The following FOXP2 variants were observed in gnomAD, a reference collection of about 807,000 sequenced individuals.
FOXP2 encodes the protein forkhead box protein P2.
Under a neutral mutation model 115.8 loss-of-function variants are expected in FOXP2, and 12 were observed. That is an observed-to-expected ratio of 0.10 (90% CI 0.07 to 0.17). The LOEUF (loss-of-function observed/expected upper bound fraction) is 0.17. Among genes scored for constraint, FOXP2 ranks in the 10% least tolerant of loss-of-function variants. The pLI is 1.00. For missense variants in FOXP2, 629 were observed against 843.5 expected (o/e 0.75, Z 3.15); for synonymous variants, 328 against 297.7 (o/e 1.10, Z -1.05).
chr7:114,499,063 C>G, intron 2 of FOXP2: 5 of 587,520 alleles, frequency 8.5e-6, no homozygotes, highest in Non-Finnish European at 1.5e-5. Flanking sequence ...ATCAGAAACC[C>G]TGGGGTTGGA....
At chr7:114,521,807 T>C (rs1285990178) in intron 2 of FOXP2, among the ~76,000 whole-genome samples, 1 of 152,126 alleles carries the variant, frequency 6.6e-6, no homozygotes, top group East Asian at 1.9e-4. Flanking sequence ...AGATCACTAG[T>C]TGGTCCTCTA....
At chr7:114,477,813 T>C (rs1174893388) in intron 2 of FOXP2, among the ~76,000 whole-genome samples, 1 of 151,884 alleles carries the variant, frequency 6.6e-6, no homozygotes, top group Non-Finnish European at 1.5e-5. Context: ...TTCAGATAAA[T>C]GTTTATGAGA....
chr7:114,353,037 C>G (rs1791531162), intron 2 of FOXP2, among the ~76,000 whole-genome samples: 1 of 151,962 alleles, frequency 6.6e-6, no homozygotes, highest in Non-Finnish European at 1.5e-5. Context: ...GTAACTAATT[C>G]CTATCAAATG....
chr7:114,542,385 T>G (rs1799709338), intron 3 of FOXP2, among the ~76,000 whole-genome samples: 1 of 152,168 alleles, frequency 6.6e-6, no homozygotes, highest in East Asian at 1.9e-4. Context: ...ATTCTTGTCT[T>G]ACACCAAGAA....
intron 1 of FOXP2, among the ~76,000 whole-genome samples, chr7:114,141,834 A>G (rs1261486748): frequency 1.3e-5 from 2 of 152,132 alleles, no homozygotes; most frequent in African/African-American, 4.8e-5. Context: ...ATAACGGACT[A>G]CTCTACTGTG....
chr7:114,294,887 C>CATACATGCATGCATGCATAT (rs1796703304), intron 2 of FOXP2, among the ~76,000 whole-genome samples: 1 of 151,846 alleles, frequency 6.6e-6, no homozygotes, highest in African/African-American at 2.4e-5. Flanking sequence ...TACATACATA[C>CATACATGCATGCATGCATAT]ATACATACAT....
chr7:114,338,743 G>T (rs1311430065), intron 2 of FOXP2, among the ~76,000 whole-genome samples: 3 of 97,160 alleles, frequency 3.1e-5, no homozygotes, highest in African/African-American at 1.0e-4. Flanking sequence ...TTCTTGTCAA[G>T]ATGTTCACAC....
intron 2 of FOXP2, among the ~76,000 whole-genome samples, chr7:114,462,528 C>T (rs1370090948): frequency 2.0e-5 from 3 of 151,644 alleles, no homozygotes; most frequent in African/African-American, 7.3e-5. Flanking sequence ...CGTGCCACCA[C>T]GCCCTGCTAA....
chr7:114,380,747 C>T (rs907627821), intron 2 of FOXP2, among the ~76,000 whole-genome samples: 3 of 152,216 alleles, frequency 2.0e-5, no homozygotes, highest in Non-Finnish European at 4.4e-5. Flanking sequence ...GAGATGTCCA[C>T]ACAGTAAGAT....
chr7:114,254,605 T>G (rs908774386), intron 1 of FOXP2, among the ~76,000 whole-genome samples: 3 of 152,254 alleles, frequency 2.0e-5, no homozygotes, highest in African/African-American at 7.2e-5. Context: ...AGCTTGGGCA[T>G]TCGTCACGTA....
chr7:114,220,798 A>C (rs1199365710), intron 1 of FOXP2, among the ~76,000 whole-genome samples: 1 of 152,224 alleles, frequency 6.6e-6, no homozygotes. Context: ...TTAGTGTATT[A>C]ATGTTCTTTA....
intron 1 of FOXP2, among the ~76,000 whole-genome samples, chr7:114,418,766 G>A (rs1793467997): frequency 6.6e-6 from 1 of 151,752 alleles, no homozygotes; most frequent in Middle Eastern, 3.4e-3. Flanking sequence ...TTCATGTTTA[G>A]TTAAACTGAG....
intron 2 of FOXP2, among the ~76,000 whole-genome samples, chr7:114,518,841 A>C (rs1219679595): frequency 2.6e-5 from 4 of 152,116 alleles, no homozygotes; most frequent in African/African-American, 9.7e-5. Context: ...TGCTTGAGTT[A>C]ATCACTTTGT....
In FOXP2 at chr7:114,628,632, G is replaced by C. The variant is rs773759127; in HGVS notation, c.351G>C (p.Gln117His). The change falls in exon 4 of 17, where the codon CAG becomes CAC. Residue 117 changes from glutamine (Q) to histidine (H), a missense_variant. Gln to His is a conservative substitution (Grantham distance 24, BLOSUM62 0). This residue lies in a region of FOXP2 where 138 missense variants were observed against 205.1 expected (regional missense o/e 0.67). Coordinates refer to ENST00000350908, the MANE Select transcript of FOXP2 (RefSeq NM_014491.4). ...ILQQQVLSPQ[Q>H]LQALLQQQQA... ...AGCAACAAGTCCTGTCTCCTCAGCA[G>C]CTACAAGCCCTTCTCCAACAACAGC... 31 of 1,613,924 alleles carry C rather than the reference G, an allele frequency of 1.9e-5. No individual in the cohort carries two copies. The highest frequency in any genetic ancestry group is 2.5e-5 in the Non-Finnish European group (30 of 1,179,990).
chr7:114,266,225 C>T (rs569438179), intron 1 of FOXP2, among the ~76,000 whole-genome samples: 1 of 152,282 alleles, frequency 6.6e-6, no homozygotes, highest in South Asian at 2.1e-4. Flanking sequence ...ACTCTTCCAA[C>T]CTCTTCCTAT....
At chr7:114,571,302 T>A (rs966332317) in intron 3 of FOXP2, among the ~76,000 whole-genome samples, 17 of 151,876 alleles carry the variant, frequency 1.1e-4, no homozygotes, top group Non-Finnish European at 2.1e-4. Context: ...CCAAGGCCTT[T>A]TAAACATTCT....
chr7:114,581,479 T>G (rs76308398), intron 3 of FOXP2, among the ~76,000 whole-genome samples: 12,883 of 152,200 alleles, frequency 0.085, 613 homozygotes, highest in Middle Eastern at 0.16. Context: ...TGTGTCAGAT[T>G]AGTTTTAGGT....
intron 2 of FOXP2, among the ~76,000 whole-genome samples, chr7:114,393,885 G>A (rs954906413): frequency 1.3e-5 from 2 of 152,074 alleles, no homozygotes; most frequent in South Asian, 2.1e-4. Flanking sequence ...GTGTTGAATC[G>A]GAAGGCATAT....
intron 2 of FOXP2, among the ~76,000 whole-genome samples, chr7:114,306,578 C>T (rs1010758154): frequency 6.6e-5 from 10 of 152,114 alleles, no homozygotes; most frequent in African/African-American, 1.9e-4. Flanking sequence ...TGGAGAATGT[C>T]TTTTTCAAGT....
Sources: gnomAD v4.1 joint callset for allele counts (sites outside exome capture counted in the v4.1 genomes callset) on GRCh38, gnomAD v4.1.1 for gene constraint, gnomAD v4.1.1 regional missense constraint, MANE v1.5 for transcripts, NCBI Gene and HGNC (gene_info 2026-07-23, HGNC 2026-07-21) for gene names.